Variants in BANK1 observed in about 807,000 individuals in gnomAD.
BANK1 encodes the protein B cell scaffold protein with ankyrin repeats 1, also known as B-cell scaffold protein with ankyrin repeats.
BANK1 carries 95 observed loss-of-function variants against 94.5 expected under a neutral mutation model. The observed-to-expected ratio is 1.00, with a 90% CI of 0.85 to 1.19. The LOEUF (loss-of-function observed/expected upper bound fraction) is 1.19, where lower values mean the gene tolerates loss of function less well. Among genes scored for constraint, BANK1 ranks in the 50% most tolerant of loss-of-function variants. BANK1 has a pLI of 0.00. For synonymous variants in BANK1, 334 were observed against 308.4 expected (o/e 1.08, Z -0.87); for missense variants, 987 against 932.2 (o/e 1.06, Z -0.77).
At chr4:101,897,673 T>C (rs1316029855) in intron 6 of BANK1, among the ~76,000 whole-genome samples, 1 of 152,050 alleles carries the variant, frequency 6.6e-6, no homozygotes, top group African/African-American at 2.4e-5. Flanking sequence ...TGCAATCACC[T>C]GTGTAGCTTT....
At chr4:102,049,026 C>T (rs1727965940) in intron 11 of BANK1, among the ~76,000 whole-genome samples, 1 of 152,076 alleles carries the variant, frequency 6.6e-6, no homozygotes, top group African/African-American at 2.4e-5. Context: ...TTAGAAATTT[C>T]TAGTCAGAAA....
intron 9 of BANK1, among the ~76,000 whole-genome samples, chr4:102,026,627 G>A (rs769560496): frequency 7.9e-5 from 12 of 151,984 alleles, no homozygotes; most frequent in Middle Eastern, 3.2e-3. Flanking sequence ...TCAGGAGTTC[G>A]AGACCAGTCT....
At chr4:102,041,593 G>A (rs1418745330) in intron 10 of BANK1, among the ~76,000 whole-genome samples, 1 of 151,940 alleles carries the variant, frequency 6.6e-6, no homozygotes. Context: ...CTCAGAGGTG[G>A]GTAAAGCAGG....
chr4:102,058,453 A>G (rs1237708816), intron 11 of BANK1, among the ~76,000 whole-genome samples: 2 of 152,128 alleles, frequency 1.3e-5, no homozygotes, highest in Non-Finnish European at 2.9e-5. Flanking sequence ...ACTCTTCTGA[A>G]GGTAAACTAA....
chr4:101,897,667 A>G (rs992106499), intron 6 of BANK1, among the ~76,000 whole-genome samples: 5 of 152,048 alleles, frequency 3.3e-5, no homozygotes, highest in Non-Finnish European at 7.4e-5. Flanking sequence ...GCATATTGCA[A>G]TCACCTGTGT....
At chr4:101,967,923 C>T (rs891616558) in intron 7 of BANK1, among the ~76,000 whole-genome samples, 8 of 151,956 alleles carry the variant, frequency 5.3e-5, no homozygotes, top group Non-Finnish European at 1.2e-4. Flanking sequence ...TTCAATCAAC[C>T]AACTGCAGTA....
At chr4:102,065,362 G>A (rs143708191) in intron 13 of BANK1, among the ~76,000 whole-genome samples, 2 of 152,046 alleles carry the variant, frequency 1.3e-5, no homozygotes, top group African/African-American at 4.8e-5. Flanking sequence ...AACACCTTGG[G>A]CTTTCTATCA....
intron 7 of BANK1, among the ~76,000 whole-genome samples, chr4:101,929,769 G>T (rs1249383115): frequency 1.3e-5 from 2 of 151,248 alleles, no homozygotes; most frequent in Non-Finnish European, 3.0e-5. Flanking sequence ...TGCTTATATT[G>T]TATTAATAGT....
intron 6 of BANK1, among the ~76,000 whole-genome samples, chr4:101,914,309 C>A (rs1051139071): frequency 2.0e-5 from 3 of 152,084 alleles, no homozygotes; most frequent in Non-Finnish European, 4.4e-5. Context: ...TTGCCTCCCC[C>A]AGCTCCACAG....
At chr4:101,841,185 C>T (rs1727031808) in intron 2 of BANK1, among the ~76,000 whole-genome samples, 1 of 151,802 alleles carries the variant, frequency 6.6e-6, no homozygotes, top group Non-Finnish European at 1.5e-5. Context: ...AAAAATAATA[C>T]TCATTGTAAA....
chr4:102,027,539 C>T (rs907447071), intron 9 of BANK1, among the ~76,000 whole-genome samples: 1 of 151,704 alleles, frequency 6.6e-6, no homozygotes, highest in African/African-American at 2.4e-5. Flanking sequence ...TTTTATTGGC[C>T]TTTAAATGCA....
At chr4:101,950,775 A>G (rs1310029012) in intron 7 of BANK1, among the ~76,000 whole-genome samples, 2 of 152,172 alleles carry the variant, frequency 1.3e-5, no homozygotes, top group African/African-American at 4.8e-5. Flanking sequence ...AGATAAGATG[A>G]GGAATGATGA....
chr4:101,804,724 C>T (rs532307420), intron 1 of BANK1, among the ~76,000 whole-genome samples: 1 of 152,150 alleles, frequency 6.6e-6, no homozygotes, highest in Non-Finnish European at 1.5e-5. Flanking sequence ...ATAACACTTT[C>T]TTTTCTCTAG....
Position 101,946,446 on chromosome 4 carries a change from A to T in BANK1, c.1206+28257A>T, listed in dbSNP as rs185292804. 4.2e-3 allele frequency among the ~76,000 whole-genome samples: 639 copies of T among 152,114 alleles called. 8 individuals carry two copies. The highest frequency in any genetic ancestry group is 0.015 in the African/African-American group (627 of 41,542). On this transcript the variant is annotated intron_variant, in intron 7 of 16. Transcript: ENST00000322953. ...GAGAAAGTTCTTTACCTATGTTTAG[A>T]ATTAGAATAATAAAGAATGGCCAGG...
chr4:101,995,430 G>A (rs2148933857), intron 7 of BANK1, among the ~76,000 whole-genome samples: 1 of 152,242 alleles, frequency 6.6e-6, no homozygotes, highest in South Asian at 2.1e-4. Flanking sequence ...CTTTATAGTA[G>A]AATTATTTAT....
chr4:102,005,980 T>C (rs1726249141), intron 7 of BANK1, among the ~76,000 whole-genome samples: 1 of 152,034 alleles, frequency 6.6e-6, no homozygotes, highest in Non-Finnish European at 1.5e-5. Context: ...ATTGAGTATA[T>C]AATAATGGAA....
intron 7 of BANK1, among the ~76,000 whole-genome samples, chr4:101,970,289 G>A (rs955470704): frequency 3.9e-5 from 6 of 152,136 alleles, no homozygotes; most frequent in African/African-American, 7.2e-5. Flanking sequence ...CAATTGAGAC[G>A]AGTGTCAGAG....
chr4:101,847,995 G>A (rs1727320692), intron 2 of BANK1, among the ~76,000 whole-genome samples: 1 of 152,254 alleles, frequency 6.6e-6, no homozygotes, highest in Admixed American at 6.5e-5. Context: ...GCGCCAGCGA[G>A]GAATGGCTGC....
chr4:101,919,351 C>T (rs550923717), intron 7 of BANK1, among the ~76,000 whole-genome samples: 1 of 152,004 alleles, frequency 6.6e-6, no homozygotes, highest in South Asian at 2.1e-4. Context: ...AGTCATTCTT[C>T]CACTTCTTGC....
Sources: allele counts gnomAD v4.1 joint callset (sites outside exome capture counted in the v4.1 genomes callset), GRCh38; gene constraint gnomAD v4.1.1; transcripts MANE v1.5; gene names NCBI Gene and HGNC (gene_info 2026-07-23, HGNC 2026-07-21).